Variants in CFAP61 observed in about 807,000 individuals in gnomAD.
The protein encoded by CFAP61 is cilia- and flagella-associated protein 61.
Under a neutral mutation model 135.6 loss-of-function variants are expected in CFAP61, and 107 were observed. That is an observed-to-expected ratio of 0.79 (90% CI 0.67 to 0.93). The LOEUF (loss-of-function observed/expected upper bound fraction) is 0.93, where lower values mean the gene tolerates loss of function less well. CFAP61 is among the 40% of genes least tolerant of loss of function. The pLI is 0.00. For missense variants in CFAP61, 1,507 were observed against 1,556.2 expected, an observed-to-expected ratio of 0.97 and a Z score of 0.53; for synonymous variants, 575 against 578.5, an observed-to-expected ratio of 0.99 and a Z score of 0.09.
intron 8 of CFAP61, among the ~76,000 whole-genome samples, chr20:20,099,614 A>T (rs1568900867): frequency 6.6e-6 from 1 of 152,074 alleles, no homozygotes. Flanking sequence ...GAGATAAGCC[A>T]TGTAGAGTGC....
At chr20:20,254,456 C>T (rs778899289) in intron 20 of CFAP61, among the ~76,000 whole-genome samples, 3 of 151,944 alleles carry the variant, frequency 2.0e-5, no homozygotes, top group Non-Finnish European at 2.9e-5. Context: ...CGGGCATCTG[C>T]CCATGTGTGC....
chr20:20,349,619 A>G (rs766559682), intron 26 of CFAP61, among the ~76,000 whole-genome samples: 1 of 152,232 alleles, frequency 6.6e-6, no homozygotes, highest in Non-Finnish European at 1.5e-5. Context: ...TGAAAATGAA[A>G]TGAAGAAAAC....
At chr20:20,232,101 C>A (rs1264144756) in intron 18 of CFAP61, among the ~76,000 whole-genome samples, 1 of 152,170 alleles carries the variant, frequency 6.6e-6, no homozygotes, top group Non-Finnish European at 1.5e-5. Context: ...CCTCTGCTGC[C>A]AAGCAGTGTT....
At chr20:20,336,806 G>A (rs1338262243) in intron 25 of CFAP61, among the ~76,000 whole-genome samples, 2 of 152,114 alleles carry the variant, frequency 1.3e-5, no homozygotes, top group Non-Finnish European at 2.9e-5. Flanking sequence ...CAGGCCTTGT[G>A]GAACACACTC....
At chr20:20,100,994 T>G (rs2047982654) in intron 8 of CFAP61, among the ~76,000 whole-genome samples, 1 of 152,236 alleles carries the variant, frequency 6.6e-6, no homozygotes, top group African/African-American at 2.4e-5. Flanking sequence ...TTTATGTTCA[T>G]TGACACAAAG....
At chr20:20,311,817 A>T (rs748818811) in intron 25 of CFAP61, among the ~76,000 whole-genome samples, 3 of 152,172 alleles carry the variant, frequency 2.0e-5, no homozygotes, top group Non-Finnish European at 2.9e-5. Context: ...AAGGATTAGA[A>T]AAAGCATGAC....
At chr20:20,322,989 G>C in intron 25 of CFAP61, 1 of 985,306 alleles carries the variant, frequency 1.0e-6, no homozygotes, top group Non-Finnish European at 1.2e-6. Context: ...TAATGACTTT[G>C]TTTTCAATAA....
At chr20:20,159,232 T>A (rs1025112346) in intron 9 of CFAP61, 138 bp from the exon 10 acceptor site, 1 of 681,284 alleles carries the variant, frequency 1.5e-6, no homozygotes, top group South Asian at 1.7e-5. Context: ...GAAACTGAGG[T>A]TACATAATTT....
intron 8 of CFAP61, among the ~76,000 whole-genome samples, chr20:20,122,757 T>TTATTTGTTATATTTGGTAGTTCATA (rs1568951772): frequency 2.0e-5 from 3 of 152,210 alleles, no homozygotes; most frequent in African/African-American, 7.2e-5. Context: ...GTATAATGAC[T>TTATTTGTTATATTTGGTAGTTCATA]ATTTTCCTCT....
chr20:20,243,403 C>T (rs2050165168), intron 18 of CFAP61, among the ~76,000 whole-genome samples: 2 of 152,004 alleles, frequency 1.3e-5, no homozygotes, highest in Non-Finnish European at 2.9e-5. Context: ...CATTTCAAAA[C>T]CCATCATGCC....
At position 20,097,345 on chromosome 20, in the gene CFAP61, A is replaced by T. The variant is rs143938588; in HGVS notation, c.700-1310A>T. 6.9e-3 allele frequency among the ~76,000 whole-genome samples: 1,051 copies of T among 152,324 alleles called. 7 individuals carry two copies. The highest frequency in any genetic ancestry group is 0.012 in the Admixed American group (177 of 15,296). On this transcript the variant is annotated intron_variant, in intron 7 of 26. Transcript: ENST00000245957. The stretch of plus-strand genomic sequence containing the variant: ...TTCTAATAAGAGCTATCAGAGTCTA[A>T]TCAGTCAACCAGAATTTGCTTAAAA...
chr20:20,109,825 C>G (rs1412862761), intron 8 of CFAP61, among the ~76,000 whole-genome samples: 1 of 151,764 alleles, frequency 6.6e-6, no homozygotes, highest in Non-Finnish European at 1.5e-5. Context: ...TTAATATCTG[C>G]TTTCATTTTG....
intron 25 of CFAP61, among the ~76,000 whole-genome samples, chr20:20,326,825 C>T (rs1416599532): frequency 6.6e-6 from 1 of 152,056 alleles, no homozygotes; most frequent in African/African-American, 2.4e-5. Context: ...TTATCATGTC[C>T]AACTTTATAA....
intron 2 of CFAP61, among the ~76,000 whole-genome samples, chr20:20,062,784 C>T (rs991768612): frequency 6.6e-6 from 1 of 152,162 alleles, no homozygotes; most frequent in African/African-American, 2.4e-5. Flanking sequence ...TTAGTTTCTT[C>T]CATTGATGAA....
At chr20:20,281,026 G>GT (rs1427187608) in intron 22 of CFAP61, among the ~76,000 whole-genome samples, 3 of 152,056 alleles carry the variant, frequency 2.0e-5, no homozygotes, top group Non-Finnish European at 4.4e-5. Context: ...TTTGTGAAAT[G>GT]TTCAAGCTAT....
At chr20:20,174,715 T>C (rs917401235) in intron 13 of CFAP61, among the ~76,000 whole-genome samples, 1 of 151,554 alleles carries the variant, frequency 6.6e-6, no homozygotes, top group Non-Finnish European at 1.5e-5. Context: ...TCTACACAGA[T>C]GAGAAGGGAG....
intron 25 of CFAP61, among the ~76,000 whole-genome samples, chr20:20,304,662 A>C (rs1001723517): frequency 2.6e-5 from 4 of 151,682 alleles, no homozygotes; most frequent in Non-Finnish European, 5.9e-5. Context: ...CAGTATTTAG[A>C]ATGGCAGCAC....
intron 20 of CFAP61, 117 bp from the exon 21 acceptor site, chr20:20,262,839 G>GT (rs1476658414): frequency 2.4e-6 from 1 of 409,964 alleles, no homozygotes; most frequent in Admixed American, 4.5e-5. Flanking sequence ...CTGATTGATT[G>GT]TATCTCGGGA....
At chr20:20,085,202 T>A in intron 6 of CFAP61, 7 of 985,458 alleles carry the variant, frequency 7.1e-6, no homozygotes, top group Non-Finnish European at 8.4e-6. Context: ...ACAGTGGCTC[T>A]CCTTGCATCC....
Sources: allele counts gnomAD v4.1 joint callset (sites outside exome capture counted in the v4.1 genomes callset), GRCh38; gene constraint gnomAD v4.1.1; transcripts MANE v1.5; gene names NCBI Gene and HGNC (gene_info 2026-07-23, HGNC 2026-07-21).